Variants in RFX3 observed in about 807,000 individuals in gnomAD.
RFX3 encodes the protein transcription factor RFX3.
Under a neutral mutation model 98.6 loss-of-function variants are expected in RFX3, and 14 were observed. That is an observed-to-expected ratio of 0.14 (90% CI 0.09 to 0.22). The LOEUF (loss-of-function observed/expected upper bound fraction) is 0.22, where lower values mean the gene tolerates loss of function less well. Among genes scored for constraint, RFX3 ranks in the 10% least tolerant of loss-of-function variants. The pLI, the probability that RFX3 is intolerant of heterozygous loss-of-function variation, is 1.00. For missense variants in RFX3, 639 were observed against 926.9 expected (o/e 0.69, Z 4.03); for synonymous variants, 383 against 328.4 (o/e 1.17, Z -1.80).
chr9:3,247,157 T>A (rs934807485), intron 15 of RFX3: 13 of 985,396 alleles, frequency 1.3e-5, no homozygotes, highest in African/African-American at 8.7e-5. Context: ...CGACAAGGTA[T>A]AAACTACCCC....
intron 1 of RFX3, among the ~76,000 whole-genome samples, chr9:3,454,602 A>G (rs1338509965): frequency 6.6e-6 from 1 of 152,208 alleles, no homozygotes; most frequent in Admixed American, 6.5e-5. Context: ...CTGAGAAGAG[A>G]TAGGGAAATC....
chr9:3,429,630 C>A (rs1326704537), intron 1 of RFX3, among the ~76,000 whole-genome samples: 3 of 152,080 alleles, frequency 2.0e-5, no homozygotes, highest in Non-Finnish European at 4.4e-5. Flanking sequence ...TAACCCATTT[C>A]CGTCTTATAT....
chr9:3,312,944 C>T (rs1830136928), intron 4 of RFX3, among the ~76,000 whole-genome samples: 2 of 152,198 alleles, frequency 1.3e-5, no homozygotes, highest in Non-Finnish European at 2.9e-5. Flanking sequence ...GTGGGCAGGG[C>T]ATAGCTGAAC....
chr9:3,374,964 A>C (rs981961994), intron 2 of RFX3, among the ~76,000 whole-genome samples: 6 of 152,174 alleles, frequency 3.9e-5, no homozygotes, highest in Admixed American at 2.0e-4. Context: ...TATCATTGTC[A>C]TGATACAAGG....
At chr9:3,492,611 T>C (rs1462279641) in intron 1 of RFX3, among the ~76,000 whole-genome samples, 1 of 152,150 alleles carries the variant, frequency 6.6e-6, no homozygotes, top group Non-Finnish European at 1.5e-5. Context: ...ACAGATAGCT[T>C]GCAAGGGGTG....
At chr9:3,305,950 T>A (rs923518333) in intron 4 of RFX3, among the ~76,000 whole-genome samples, 4 of 152,118 alleles carry the variant, frequency 2.6e-5, no homozygotes, top group Non-Finnish European at 5.9e-5. Flanking sequence ...AATCCCAAAG[T>A]GAACTGGTAA....
At chr9:3,297,251 G>C (rs1486248014) in intron 5 of RFX3, among the ~76,000 whole-genome samples, 1 of 151,862 alleles carries the variant, frequency 6.6e-6, no homozygotes, top group East Asian at 1.9e-4. Context: ...AAAATGTCTT[G>C]TAAAATGTAT....
chr9:3,520,058 T>A (rs1391341826), intron 1 of RFX3, among the ~76,000 whole-genome samples: 1 of 152,154 alleles, frequency 6.6e-6, no homozygotes, highest in Non-Finnish European at 1.5e-5. Flanking sequence ...TGCAGTGAGC[T>A]ATGACTATGC....
At chr9:3,450,279 G>T (rs570774141) in intron 1 of RFX3, among the ~76,000 whole-genome samples, 5 of 152,076 alleles carry the variant, frequency 3.3e-5, no homozygotes, top group African/African-American at 1.2e-4. Context: ...TCTCAATTCT[G>T]GTGTCAGAAA....
intron 4 of RFX3, among the ~76,000 whole-genome samples, chr9:3,326,322 C>T (rs1156357056): frequency 6.6e-6 from 1 of 152,036 alleles, no homozygotes; most frequent in Admixed American, 6.6e-5. Context: ...TTAACAAATG[C>T]TGACTTTATA....
At chr9:3,483,870 T>G (rs893624833) in intron 1 of RFX3, among the ~76,000 whole-genome samples, 1 of 152,296 alleles carries the variant, frequency 6.6e-6, no homozygotes, top group African/African-American at 2.4e-5. Flanking sequence ...ATTTACCTCA[T>G]GTCTTCTAGT....
intron 1 of RFX3, among the ~76,000 whole-genome samples, chr9:3,504,474 T>C (rs1460402711): frequency 1.5e-5 from 2 of 130,378 alleles, no homozygotes; most frequent in African/African-American, 5.9e-5. Flanking sequence ...TGGTATATAT[T>C]GTATATAAAA....
At chr9:3,377,164 A>C (rs919353500) in intron 2 of RFX3, among the ~76,000 whole-genome samples, 1 of 152,232 alleles carries the variant, frequency 6.6e-6, no homozygotes, top group Non-Finnish European at 1.5e-5. Context: ...TTGCAGCACT[A>C]TTCACAATAG....
At chr9:3,415,333 G>T (rs966604751) in intron 1 of RFX3, among the ~76,000 whole-genome samples, 2 of 151,082 alleles carry the variant, frequency 1.3e-5, no homozygotes, top group Admixed American at 1.3e-4. Flanking sequence ...TCTTGCCTCA[G>T]TCTCCCAAAG....
chr9:3,324,402 T>C (rs1163003784), intron 4 of RFX3, among the ~76,000 whole-genome samples: 1 of 152,086 alleles, frequency 6.6e-6, no homozygotes, highest in Non-Finnish European at 1.5e-5. Flanking sequence ...TCATAACCAA[T>C]AATCCAATAT....
intron 2 of RFX3, among the ~76,000 whole-genome samples, chr9:3,393,394 T>C (rs909108784): frequency 3.9e-5 from 6 of 152,236 alleles, no homozygotes; most frequent in South Asian, 4.1e-4. Flanking sequence ...AAGAAAACTT[T>C]TTTTTCATGT....
intron 4 of RFX3, among the ~76,000 whole-genome samples, chr9:3,308,139 C>T (rs969325182): frequency 6.6e-6 from 1 of 152,084 alleles, no homozygotes; most frequent in African/African-American, 2.4e-5. Flanking sequence ...AATGATCACC[C>T]TGGGACTGAG....
At chr9:3,472,605 T>C (rs977232799) in intron 1 of RFX3, among the ~76,000 whole-genome samples, 4 of 152,314 alleles carry the variant, frequency 2.6e-5, no homozygotes, top group African/African-American at 7.2e-5. Context: ...ATACAAAAGA[T>C]ACGGATTTAG....
intron 2 of RFX3, among the ~76,000 whole-genome samples, chr9:3,360,097 G>C (rs1481748499): frequency 6.6e-6 from 1 of 151,988 alleles, no homozygotes; most frequent in Non-Finnish European, 1.5e-5. Context: ...ACCCATCTTT[G>C]TGAAGTCTTT....
Sources: gnomAD v4.1 joint callset for allele counts (sites outside exome capture counted in the v4.1 genomes callset) on GRCh38, gnomAD v4.1.1 for gene constraint, MANE v1.5 for transcripts, NCBI Gene and HGNC (gene_info 2026-07-23, HGNC 2026-07-21) for gene names.